The following NUP160 variants were observed in gnomAD, a reference collection of about 807,000 sequenced individuals.
NUP160 encodes the protein nuclear pore complex protein Nup160.
NUP160 carries 94 observed loss-of-function variants against 196.9 expected under a neutral mutation model. That is an observed-to-expected ratio of 0.48 (90% CI 0.40 to 0.57). NUP160 has a LOEUF of 0.57. NUP160 is among the 20% of genes least tolerant of loss of function. The pLI, the probability that NUP160 is intolerant of heterozygous loss-of-function variation, is 0.00. For synonymous variants in NUP160, 605 were observed against 619.7 expected (o/e 0.98, Z 0.35); for missense variants, 1,638 against 1,748.3 (o/e 0.94, Z 1.13).
chr11:47,835,880 GATGGACCTTTCATTGTATCTACTGC>G, intron 6 of NUP160, 71 bp from the exon 7 acceptor site: 4 of 1,228,208 alleles, frequency 3.3e-6, no homozygotes, highest in Non-Finnish European at 4.5e-6. Context: ...CTTTTGAAAG[GATGGACCTTTCATTGTATCTACTGC>G]TCTATCTAGT....
chr11:47,824,247 T>C (rs547377493), intron 7 of NUP160, among the ~76,000 whole-genome samples: 65 of 151,796 alleles, frequency 4.3e-4, no homozygotes, highest in Non-Finnish European at 7.5e-4. Context: ...ATTTATTTAT[T>C]TATTCATTCA....
At chr11:47,843,801 T>C (rs922352917) in intron 2 of NUP160, among the ~76,000 whole-genome samples, 7 of 152,206 alleles carry the variant, frequency 4.6e-5, no homozygotes, top group Non-Finnish European at 1.0e-4. Context: ...TCTCATTCAG[T>C]AGAACAGCTT....
chr11:47,824,037 A>ATG (rs1565203450), intron 7 of NUP160, among the ~76,000 whole-genome samples: 40 of 127,802 alleles, frequency 3.1e-4, no homozygotes, highest in African/African-American at 1.1e-3. Flanking sequence ...ATATATATAT[A>ATG]TATATATATA....
At chr11:47,847,149 C>T (rs1192641232) in intron 2 of NUP160, among the ~76,000 whole-genome samples, 1 of 152,080 alleles carries the variant, frequency 6.6e-6, no homozygotes, top group African/African-American at 2.4e-5. Context: ...GATCTTTGGT[C>T]AGTTCCAAAC....
exon 25 of NUP160, chr11:47,798,216 T>C (rs1389492742): frequency 1.2e-6 from 2 of 1,612,818 alleles, no homozygotes; most frequent in Non-Finnish European, 1.7e-6. Flanking sequence ...TTGGCTATTG[T>C]GACCCAAATC....
intron 29 of NUP160, among the ~76,000 whole-genome samples, chr11:47,790,328 C>T (rs1227692752): frequency 6.6e-6 from 1 of 152,022 alleles, no homozygotes; most frequent in African/African-American, 2.4e-5. Context: ...GGCGCGATCT[C>T]AGCCCACTGC....
At chr11:47,794,844 C>T (rs1018526759) in intron 27 of NUP160, among the ~76,000 whole-genome samples, 23 of 150,914 alleles carry the variant, frequency 1.5e-4, no homozygotes, top group South Asian at 1.5e-3. Flanking sequence ...CCTGGGAAGG[C>T]GGAGGTTGCA....
At chr11:47,824,048 T>TAC (rs749147520) in intron 7 of NUP160, among the ~76,000 whole-genome samples, 2 of 101,218 alleles carry the variant, frequency 2.0e-5, no homozygotes, top group Non-Finnish European at 4.1e-5. Flanking sequence ...TATATATATA[T>TAC]ATATACACAC....
At chr11:47,844,311 C>G (rs1202547395) in intron 2 of NUP160, among the ~76,000 whole-genome samples, 1 of 152,186 alleles carries the variant, frequency 6.6e-6, no homozygotes, top group Non-Finnish European at 1.5e-5. Context: ...AAGCCCAGAT[C>G]TTAGATCACG....
At chr11:47,826,337 C>T (rs147435384) in intron 7 of NUP160, among the ~76,000 whole-genome samples, 371 of 152,276 alleles carry the variant, frequency 2.4e-3, no homozygotes, top group Middle Eastern at 0.014. Flanking sequence ...TCTGGATAGG[C>T]TAACAGTGTT....
At chr11:47,803,254 G>A (rs1325996825) in intron 22 of NUP160, among the ~76,000 whole-genome samples, 184 bp downstream of exon 22, 1 of 151,712 alleles carries the variant, frequency 6.6e-6, no homozygotes, top group Admixed American at 6.6e-5. Context: ...TATCTAAATT[G>A]CAGAATACAA....
intron 1 of NUP160, 98 bp from the exon 2 acceptor site, chr11:47,848,057 T>A: frequency 1.6e-6 from 2 of 1,273,236 alleles, no homozygotes; most frequent in Non-Finnish European, 2.3e-6. Context: ...TGACAACCCA[T>A]ACAAAGAAAA....
At chr11:47,793,560 G>A (rs1377119006) in intron 27 of NUP160, among the ~76,000 whole-genome samples, 10 of 152,008 alleles carry the variant, frequency 6.6e-5, no homozygotes, top group Admixed American at 5.3e-4. Context: ...ATACCCCAAA[G>A]AATGAAAAGA....
intron 7 of NUP160, among the ~76,000 whole-genome samples, chr11:47,827,906 T>A (rs1203321402): frequency 6.6e-6 from 1 of 152,220 alleles, no homozygotes; most frequent in Non-Finnish European, 1.5e-5. Flanking sequence ...GGTTCCGCTC[T>A]GTTGCTCAGG....
chr11:47,819,635 G>A (rs1364437531), intron 9 of NUP160, among the ~76,000 whole-genome samples, 177 bp from the exon 10 acceptor site: 1 of 152,066 alleles, frequency 6.6e-6, no homozygotes, highest in Admixed American at 6.6e-5. Context: ...TTTTAGCAGA[G>A]CCTAGTTTTT....
Position 47,819,461 on chromosome 11 carries a change from A to T in NUP160, c.1278-3T>A. 6.2e-7 allele frequency: 1 copy of T among 1,607,542 alleles called. No homozygotes were observed. The highest frequency in any genetic ancestry group is 8.5e-7 in the Non-Finnish European group (1 of 1,174,016). On this transcript the variant is annotated splice_polypyrimidine_tract_variant and splice_region_variant and intron_variant, in intron 9 of 35. Coordinates refer to ENST00000378460, the Ensembl canonical transcript of NUP160. ...GATTCCACTGACCTGCAACATTACT[A>T]GAGACAAAAAAGTCCACCAGTTTAT...
chr11:47,812,157 C>A, exon 17 of NUP160: 1 of 1,614,120 alleles, frequency 6.2e-7, no homozygotes, highest in Non-Finnish European at 8.5e-7. Context: ...CCCCTCTGCA[C>A]ACAATATACC....
At chr11:47,821,876 A>T in intron 8 of NUP160, 55 bp from the exon 9 acceptor site, 1 of 1,366,928 alleles carries the variant, frequency 7.3e-7, no homozygotes, top group Admixed American at 1.7e-5. Context: ...GTAGTAGTTC[A>T]CGGTGACTTA....
intron 35 of NUP160, among the ~76,000 whole-genome samples, chr11:47,780,029 C>T (rs1055694447): frequency 6.6e-6 from 1 of 152,190 alleles, no homozygotes; most frequent in African/African-American, 2.4e-5. Context: ...TGCGCCCGGC[C>T]TATCATTGCT....
Sources: allele counts gnomAD v4.1 joint callset (sites outside exome capture counted in the v4.1 genomes callset), GRCh38; gene constraint gnomAD v4.1.1; transcripts MANE v1.5; gene names NCBI Gene and HGNC (gene_info 2026-07-23, HGNC 2026-07-21).